The following ADAMTSL3 variants were observed in gnomAD, a reference collection of about 807,000 sequenced individuals.
ADAMTSL3 encodes the protein ADAMTS-like protein 3.
In ADAMTSL3, 128 loss-of-function variants were observed where a neutral mutation model predicts 201.7. That is an observed-to-expected ratio of 0.63 (90% CI 0.55 to 0.73). ADAMTSL3 has a LOEUF of 0.73. Among genes scored for constraint, ADAMTSL3 ranks in the 30% least tolerant of loss-of-function variants. ADAMTSL3 has a pLI of 0.00. For synonymous variants in ADAMTSL3, 738 were observed against 748.4 expected (o/e 0.99, Z 0.23); for missense variants, 1,990 against 2,119.6 (o/e 0.94, Z 1.20).
intron 17 of ADAMTSL3, among the ~76,000 whole-genome samples, chr15:83,939,625 C>CTTT (rs561880272): frequency 7.1e-6 from 1 of 140,378 alleles, no homozygotes. Context: ...GAAGGACCAA[C>CTTT]TTTTTTTTTT....
chr15:83,889,469 C>A (rs897849896), intron 10 of ADAMTSL3, among the ~76,000 whole-genome samples: 1 of 152,078 alleles, frequency 6.6e-6, no homozygotes, highest in Non-Finnish European at 1.5e-5. Context: ...AAGTGGAAAA[C>A]GGAACAAGAT....
At chr15:83,783,162 A>G (rs8041267) in intron 4 of ADAMTSL3, among the ~76,000 whole-genome samples, 42,750 of 151,216 alleles carry the variant, frequency 0.28, 6,298 homozygotes, top group South Asian at 0.56. Context: ...ATGTCCTTGA[A>G]TTGTTCAGAA....
intron 3 of ADAMTSL3, among the ~76,000 whole-genome samples, chr15:83,761,596 A>T (rs1419800527): frequency 6.6e-6 from 1 of 152,176 alleles, no homozygotes. Context: ...CTAGCCCACC[A>T]TTCCTCTCCA....
chr15:83,930,133 G>A (rs545232564), intron 17 of ADAMTSL3, among the ~76,000 whole-genome samples: 49 of 152,278 alleles, frequency 3.2e-4, no homozygotes, highest in African/African-American at 1.2e-3. Context: ...AGGAATTTCA[G>A]GTGAGTTCCT....
chr15:83,991,196 A>G lies in ADAMTSL3; in HGVS notation c.3955A>G (p.Ile1319Val), dbSNP rs756775938. Reference sequence around the variant, plus strand: ...GGCAGCCCTTGGAGCAAACGTGACAATCCGATGTCCTGTAAAAGGTAAGTG... The same window carrying G: ...GGCAGCCCTTGGAGCAAACGTGACAGTCCGATGTCCTGTAAAAGGTAAGTG... Reference protein sequence around the residue: ...VEAALGANVTIRCPVKGVPQP... With the variant: ...VEAALGANVTVRCPVKGVPQP... Residue 1319 changes from isoleucine (I) to valine (V), a missense_variant, in exon 23 of 30, where the codon ATC (isoleucine) becomes GTC (valine). Ile to Val is a conservative substitution (Grantham distance 29). Transcript: ENST00000286744. The G allele has an allele frequency of 3.1e-6, 5 of 1,614,198 alleles. No individual in the cohort carries two copies. Among genetic ancestry groups the G allele is most frequent in the East Asian group, 2.2e-5 (1 of 44,886 alleles).
chr15:83,965,349 C>CAAAAAAA (rs143907808), intron 19 of ADAMTSL3, among the ~76,000 whole-genome samples: 2 of 98,392 alleles, frequency 2.0e-5, no homozygotes, highest in Admixed American at 2.3e-4. Context: ...AAATGGAAAG[C>CAAAAAAA]AAAAAAAAAA....
chr15:83,898,038 A>G, intron 14 of ADAMTSL3, 33 bp downstream of exon 14: 1 of 1,580,516 alleles, frequency 6.3e-7, no homozygotes, highest in African/African-American at 1.3e-5. Context: ...ATTCAAATCA[A>G]ATGGTATTTT....
intron 3 of ADAMTSL3, among the ~76,000 whole-genome samples, chr15:83,710,202 A>G (rs1363394844): frequency 6.6e-6 from 1 of 152,188 alleles, no homozygotes; most frequent in Non-Finnish European, 1.5e-5. Flanking sequence ...ATACCTATTC[A>G]TACCAGGCCA....
intron 20 of ADAMTSL3, among the ~76,000 whole-genome samples, chr15:83,978,605 C>T (rs146980587): frequency 1.3e-5 from 2 of 152,300 alleles, no homozygotes; most frequent in East Asian, 1.9e-4. Flanking sequence ...GATGATGCCA[C>T]GTTCCAGGCA....
chr15:83,927,191 A>T (rs930143687), intron 17 of ADAMTSL3, among the ~76,000 whole-genome samples: 2 of 150,706 alleles, frequency 1.3e-5, no homozygotes, highest in African/African-American at 4.9e-5. Context: ...GTCTCGGCCC[A>T]CTGCAGCCTC....
chr15:83,769,728 TTTC>T (rs1184550995), intron 3 of ADAMTSL3, among the ~76,000 whole-genome samples: 1 of 152,170 alleles, frequency 6.6e-6, no homozygotes, highest in Non-Finnish European at 1.5e-5. Flanking sequence ...CCAGTCATTA[TTTC>T]TTCATTTCAC....
chr15:83,888,316 G>C (rs1002675879), intron 10 of ADAMTSL3, among the ~76,000 whole-genome samples: 1 of 152,216 alleles, frequency 6.6e-6, no homozygotes. Flanking sequence ...TAAAACAAAA[G>C]AGGAAAATTA....
chr15:84,036,740 T>G, intron 28 of ADAMTSL3, 33 bp from the exon 29 acceptor site: 1 of 1,568,404 alleles, frequency 6.4e-7, no homozygotes, highest in Non-Finnish European at 8.7e-7. Context: ...TCCTATTTTT[T>G]GTTTTTCCGT....
intron 2 of ADAMTSL3, among the ~76,000 whole-genome samples, chr15:83,681,004 T>C (rs555494917): frequency 2.0e-5 from 3 of 152,352 alleles, no homozygotes; most frequent in Admixed American, 2.0e-4. Context: ...CAGATTCTCG[T>C]AGTTTTCAAG....
chr15:83,891,860 C>T (rs2065505217), intron 12 of ADAMTSL3, among the ~76,000 whole-genome samples: 1 of 152,230 alleles, frequency 6.6e-6, no homozygotes, highest in Non-Finnish European at 1.5e-5. Context: ...TCCCAGTTGA[C>T]AGAAACCCCG....
chr15:83,731,744 A>G (rs1173050480), intron 3 of ADAMTSL3, among the ~76,000 whole-genome samples: 1 of 152,060 alleles, frequency 6.6e-6, no homozygotes, highest in South Asian at 2.1e-4. Context: ...TATTATGAAT[A>G]TTATTGAGCC....
intron 5 of ADAMTSL3, among the ~76,000 whole-genome samples, chr15:83,807,699 A>G (rs1418147951): frequency 2.0e-5 from 3 of 152,216 alleles, no homozygotes; most frequent in Non-Finnish European, 4.4e-5. Flanking sequence ...CAAACACACA[A>G]AAAACAAAAC....
intron 2 of ADAMTSL3, among the ~76,000 whole-genome samples, chr15:83,702,589 C>T (rs570924969): frequency 7.2e-5 from 11 of 152,284 alleles, no homozygotes; most frequent in Non-Finnish European, 1.2e-4. Flanking sequence ...ATGTAGAGCT[C>T]GGGCTGTGGC....
intron 2 of ADAMTSL3, among the ~76,000 whole-genome samples, chr15:83,664,587 C>G (rs2061222386): frequency 6.6e-6 from 1 of 152,208 alleles, no homozygotes; most frequent in Non-Finnish European, 1.5e-5. Context: ...TTTCCCATCT[C>G]AGAAATGTCT....
Sources: allele counts gnomAD v4.1 joint callset (sites outside exome capture counted in the v4.1 genomes callset), GRCh38; gene constraint gnomAD v4.1.1; transcripts MANE v1.5; gene names NCBI Gene and HGNC (gene_info 2026-07-23, HGNC 2026-07-21).